Variants in TMEM260 observed in about 807,000 individuals in gnomAD.
TMEM260 encodes protein O-mannosyl-transferase TMEM260.
Under a neutral mutation model 88.9 loss-of-function variants are expected in TMEM260, and 82 were observed. That is an observed-to-expected ratio of 0.92 (90% confidence interval 0.77 to 1.11). The LOEUF (loss-of-function observed/expected upper bound fraction) is 1.11. Among genes scored for constraint, TMEM260 ranks in the 50% least tolerant of loss-of-function variants. TMEM260 has a pLI of 0.00. For missense variants in TMEM260, 902 were observed against 853.4 expected (o/e 1.06, Z -0.71); for synonymous variants, 314 against 309.3 (o/e 1.02, Z -0.16).
intron 3 of TMEM260, among the ~76,000 whole-genome samples, chr14:56,599,447 C>G (rs1013091082): frequency 1.3e-5 from 2 of 152,182 alleles, no homozygotes; most frequent in African/African-American, 4.8e-5. Context: ...TTGCTACCTA[C>G]AAAGCCTTGT....
At chr14:56,622,070 G>T (rs1407375021) in intron 11 of TMEM260, among the ~76,000 whole-genome samples, 2 of 152,128 alleles carry the variant, frequency 1.3e-5, no homozygotes, top group African/African-American at 4.8e-5. Context: ...CAGGCCGGGC[G>T]CAGTGGCTCA....
intron 3 of TMEM260, among the ~76,000 whole-genome samples, chr14:56,591,737 A>G (rs1885877083): frequency 6.6e-6 from 1 of 152,242 alleles, no homozygotes; most frequent in East Asian, 1.9e-4. Flanking sequence ...CCATTGTGCA[A>G]GTTACCTGGC....
intron 12 of TMEM260, among the ~76,000 whole-genome samples, chr14:56,629,741 A>G (rs577124402): frequency 2.6e-5 from 4 of 152,308 alleles, no homozygotes; most frequent in African/African-American, 9.6e-5. Context: ...TCAGCATTTT[A>G]AAAATGTTAC....
rs748540718 is a variant in TMEM260, at chr14:56,618,579, A to C, written c.1057-15A>C. 1.2e-6 allele frequency: 2 copies of C among 1,612,592 alleles called. No individual in the cohort carries two copies. Among genetic ancestry groups the C allele is most frequent in the Admixed American group, 1.7e-5 (1 of 59,718 alleles). On this transcript the variant is annotated splice_polypyrimidine_tract_variant and intron_variant, in intron 9 of 15. Coordinates refer to ENST00000261556, the MANE Select transcript of TMEM260 (RefSeq NM_017799.4). ...ATAGTCAACTGGACCCACTGGTTGC[A>C]TGTCTCTTTCACAGGTGGAACGATT...
chr14:56,581,044 G>A (rs556568157), intron 1 of TMEM260, among the ~76,000 whole-genome samples: 2 of 152,126 alleles, frequency 1.3e-5, no homozygotes, highest in African/African-American at 4.8e-5. Flanking sequence ...ATGGGGCTGC[G>A]GTCTTCTCAA....
chr14:56,621,837 A>G (rs1167819306), intron 11 of TMEM260, 135 bp downstream of exon 11: 2 of 635,616 alleles, frequency 3.1e-6, no homozygotes, highest in East Asian at 3.0e-5. Context: ...ATGACATTCT[A>G]CATGTTAGGT....
downstream of TMEM260, among the ~76,000 whole-genome samples, chr14:56,651,783 A>C (rs1403726768): frequency 2.6e-5 from 4 of 152,248 alleles, no homozygotes; most frequent in Non-Finnish European, 5.9e-5. Context: ...AACCATTTCA[A>C]AACTTTAGCG....
intron 10 of TMEM260, 147 bp downstream of exon 10, chr14:56,618,910 T>G: frequency 1.3e-6 from 1 of 781,890 alleles, no homozygotes; most frequent in South Asian, 1.9e-5. Context: ...TCTTTAACTT[T>G]TAGGGTCGTT....
intron 12 of TMEM260, among the ~76,000 whole-genome samples, chr14:56,631,435 C>T (rs544107086): frequency 6.6e-6 from 1 of 152,118 alleles, no homozygotes; most frequent in Non-Finnish European, 1.5e-5. Flanking sequence ...CCAGCCTGGC[C>T]AACATGGCAA....
intron 12 of TMEM260, among the ~76,000 whole-genome samples, chr14:56,629,129 C>T (rs1566564408): frequency 1.3e-5 from 2 of 152,036 alleles, no homozygotes; most frequent in East Asian, 3.9e-4. Flanking sequence ...CTCCTGACCT[C>T]AAGTGATCCA....
chr14:56,635,367 C>T (rs916748524), intron 14 of TMEM260, among the ~76,000 whole-genome samples: 8 of 152,194 alleles, frequency 5.3e-5, no homozygotes, highest in Admixed American at 2.6e-4. Flanking sequence ...TTATTCAGTA[C>T]TTACTGGAGG....
chr14:56,599,764 C>A (rs1484211859), intron 3 of TMEM260, among the ~76,000 whole-genome samples: 16 of 152,150 alleles, frequency 1.1e-4, no homozygotes, highest in Admixed American at 1.0e-3. Context: ...CTGAACCTAT[C>A]TTTGGAAACA....
rs1344594543 is a variant in TMEM260 at position 56,636,606 on chromosome 14, A to G, written c.1869+8A>G. ...TACGCTCAAGCATATGACGTATGTTACACTTTTATATGTAGATATAGATAT... is the reference window on the plus strand; with the variant it reads ...TACGCTCAAGCATATGACGTATGTTGCACTTTTATATGTAGATATAGATAT... On this transcript the variant is annotated splice_region_variant and intron_variant, in intron 15 of 15. Coordinates refer to ENST00000261556, the MANE Select transcript of TMEM260 (RefSeq NM_017799.4). The G allele has an allele frequency of 6.2e-7, 1 of 1,610,554 alleles. No individual in the cohort carries two copies. Among genetic ancestry groups the G allele is most frequent in the Admixed American group, 1.7e-5 (1 of 59,986 alleles).
Position 56,579,843 on chromosome 14 carries a change from C to G in TMEM260, c.-72C>G, listed in dbSNP as rs1884981000. On this transcript the variant is annotated 5_prime_UTR_variant, in exon 1 of 16. Coordinates refer to ENST00000261556, the MANE Select transcript of TMEM260 (RefSeq NM_017799.4). The stretch of plus-strand genomic sequence containing the variant: ...CGCCGCACAAGCTGCGCTCGTCTCT[C>G]GGCTGGGGAGCTCCGTGTCGCACCG... The G allele has an allele frequency of 8.2e-7, 1 of 1,217,122 alleles. No homozygotes were observed. The highest frequency in any genetic ancestry group is 4.2e-5 in the South Asian group (1 of 23,976). 75.4% of individuals were successfully genotyped at this position (1,217,122 alleles called of 1,614,324 possible).
intron 12 of TMEM260, among the ~76,000 whole-genome samples, chr14:56,627,890 T>A (rs1038597778): frequency 2.0e-5 from 3 of 152,230 alleles, no homozygotes; most frequent in African/African-American, 4.8e-5. Flanking sequence ...AATTTTCTTG[T>A]GCTGCTCCCG....
intron 1 of TMEM260, among the ~76,000 whole-genome samples, chr14:56,580,997 G>T (rs567781165): frequency 3.9e-5 from 6 of 152,278 alleles, no homozygotes; most frequent in African/African-American, 1.4e-4. Context: ...TAAGCTAGAT[G>T]CTCGTACTCA....
intron 5 of TMEM260, among the ~76,000 whole-genome samples, chr14:56,607,158 G>A (rs762662240): frequency 1.4e-4 from 21 of 152,150 alleles, no homozygotes; most frequent in Non-Finnish European, 2.4e-4. Context: ...TATGGAATAC[G>A]AGAAAGAGGC....
chr14:56,621,646 C>T lies in TMEM260; in HGVS notation c.1342C>T (p.Arg448Cys), dbSNP rs144930038. The change falls in exon 11 of 16, where the codon CGT becomes TGT. Residue 448 changes from arginine to cysteine, a missense_variant. Coordinates refer to ENST00000261556, the MANE Select transcript of TMEM260 (RefSeq NM_017799.4). ...AGGAGATTTGCCAGGAAATTCTCTC[C>T]GTTACATGCATTACTGTGAGGGGTT... is the stretch of plus-strand genomic sequence containing the variant. The part of the protein sequence containing the change: ...LRGDLPGNSL[R>C]YMHYCEGLRP... 152 of 1,613,088 alleles carry T rather than the reference C, an allele frequency of 9.4e-5. No homozygotes were observed. Among genetic ancestry groups the T allele is most frequent in the Admixed American group, 1.2e-4 (7 of 59,902 alleles).
chr14:56,586,034 C>A, intron 3 of TMEM260, 122 bp downstream of exon 3: 1 of 1,034,602 alleles, frequency 9.7e-7, no homozygotes, highest in Non-Finnish European at 1.4e-6. Flanking sequence ...TGTGATTTCA[C>A]TTTCTTAATT....
Sources: gnomAD v4.1 joint callset for allele counts (sites outside exome capture counted in the v4.1 genomes callset) on GRCh38, gnomAD v4.1.1 for gene constraint, MANE v1.5 for transcripts, NCBI Gene and HGNC (gene_info 2026-07-23, HGNC 2026-07-21) for gene names.